EMC3: variants seen among roughly 807,000 people sequenced by gnomAD.
EMC3 encodes 30 kDa protein.
A neutral mutation model predicts 36.6 loss-of-function variants in EMC3; 13 were observed. The ratio of observed to expected loss-of-function variants is 0.35; its 90% CI spans 0.23 to 0.56. The LOEUF (loss-of-function observed/expected upper bound fraction) is 0.56. Among genes scored for constraint, EMC3 ranks in the 20% least tolerant of loss-of-function variants. EMC3 has a pLI of 0.84. For synonymous variants in EMC3, 120 were observed against 111.9 expected (o/e 1.07, Z -0.46); for missense variants, 220 against 324.5 (o/e 0.68, Z 2.47).
intron 1 of EMC3, among the ~76,000 whole-genome samples, chr3:9,995,665 C>A (rs769626036): frequency 1.3e-5 from 2 of 151,866 alleles, no homozygotes; most frequent in African/African-American, 4.8e-5. Context: ...GAGACGGAGT[C>A]TAGCTCTGTC....
upstream of EMC3, among the ~76,000 whole-genome samples, chr3:9,987,473 C>G (rs981368878): frequency 3.9e-5 from 6 of 152,128 alleles, no homozygotes; most frequent in African/African-American, 7.2e-5. Context: ...ACCCTCACCC[C>G]CTTCCCGATG....
At chr3:9,991,551 C>G (rs534539208), upstream of EMC3, among the ~76,000 whole-genome samples, 438 of 152,192 alleles carry the variant, frequency 2.9e-3, 2 homozygotes, top group South Asian at 0.024. Flanking sequence ...GGGTCTCACT[C>G]TGTCGCCAGG....
chr3:9,980,345 G>T (rs947638822), intron 1 of EMC3, among the ~76,000 whole-genome samples: 2 of 150,288 alleles, frequency 1.3e-5, no homozygotes, highest in Non-Finnish European at 3.0e-5. Flanking sequence ...ACTGTCTTAA[G>T]AGCAAAAGGA....
intron 1 of EMC3, among the ~76,000 whole-genome samples, chr3:9,984,084 T>G (rs1388348601): frequency 2.0e-5 from 3 of 152,062 alleles, no homozygotes; most frequent in African/African-American, 7.2e-5. Context: ...AATACACTTT[T>G]TTTTTTTTTT....
rs1289743433 is a variant in EMC3, at chr3:9,986,802, G to C, written c.-141C>G. 6.9e-7 allele frequency: 1 copy of C among 1,450,558 alleles called. No individual in the cohort carries two copies. Among genetic ancestry groups the C allele is most frequent in the Non-Finnish European group, 9.1e-7 (1 of 1,100,320 alleles). The allele number at this position is 1,450,558 out of a possible 1,614,324, so 89.9% of individuals were successfully genotyped here. ...CAGAACTCTCCTGCGACTGTGAGCC[G>C]AGCTTACTGCCTTCAGCTGGGCTGC... On this transcript the variant is annotated 5_prime_UTR_variant, in exon 1 of 8. Transcript: ENST00000245046.
At chr3:10,007,682 C>T in intron 1 of EMC3, 3 of 1,325,342 alleles carry the variant, frequency 2.3e-6, no homozygotes, top group Non-Finnish European at 3.0e-6. Flanking sequence ...TCCAGCTTCC[C>T]AGGAACCCGG....
intron 1 of EMC3, chr3:10,008,393 C>G (rs1023789809): frequency 7.3e-7 from 1 of 1,367,276 alleles, no homozygotes; most frequent in African/African-American, 1.5e-5. Context: ...AAGGTCCTTT[C>G]AAGTGTCTAC....
chr3:10,008,347 G>A, intron 1 of EMC3: 2 of 1,305,656 alleles, frequency 1.5e-6, no homozygotes, highest in African/African-American at 1.5e-5. Flanking sequence ...ATAGGGAAGG[G>A]GCTCCAGGCA....
upstream of EMC3, chr3:9,987,434 G>T: frequency 8.5e-6 from 3 of 352,708 alleles, no homozygotes; most frequent in Non-Finnish European, 1.2e-5. Flanking sequence ...TTTCTGCGTC[G>T]TTAAAATGAG....
chr3:9,974,414 T>C lies in EMC3; in HGVS notation c.382A>G (p.Ile128Val). 6.2e-7 allele frequency: 1 copy of C among 1,613,844 alleles called. No homozygotes were observed. The highest frequency in any genetic ancestry group is 8.5e-7 in the Non-Finnish European group (1 of 1,179,690). The change falls in exon 4 of 8, where the codon ATC becomes GTC. Residue 128 changes from isoleucine to valine, a missense_variant. Physicochemically the swap from Ile to Val is conservative, Grantham distance 29. Coordinates refer to ENST00000245046, the MANE Select transcript of EMC3 (RefSeq NM_001394674.1). ...VLPMILIGGW[I>V]NMTFSGFVTT... ...ACAAAGCCTGAGAATGTCATGTTGA[T>C]CCATCCACCAATAAGAATCATAGGG... is the stretch of plus-strand genomic sequence containing the variant.
At chr3:9,977,558 G>T in intron 1 of EMC3, 112 bp from the exon 2 acceptor site, 1 of 853,574 alleles carries the variant, frequency 1.2e-6, no homozygotes, top group Non-Finnish European at 1.8e-6. Context: ...TTTGGCAACA[G>T]CTCTGTGTGG....
intron 1 of EMC3, among the ~76,000 whole-genome samples, chr3:9,995,274 A>G: frequency 6.6e-6 from 1 of 151,632 alleles, no homozygotes; most frequent in African/African-American, 2.4e-5. Flanking sequence ...TAGCTCCTTG[A>G]GTGGCATCTT....
At chr3:9,993,990 G>A (rs1454567010) in intron 1 of EMC3, among the ~76,000 whole-genome samples, 1 of 152,296 alleles carries the variant, frequency 6.6e-6, no homozygotes, top group Non-Finnish European at 1.5e-5. Context: ...ATATCCAAAT[G>A]TGGACTCCCA....
chr3:10,000,597 C>T, intron 1 of EMC3: 1 of 417,338 alleles, frequency 2.4e-6, no homozygotes, highest in South Asian at 1.8e-5. Context: ...ATAAAACAGT[C>T]ATGAGACATT....
chr3:9,975,236 T>G (rs931646246), intron 3 of EMC3, among the ~76,000 whole-genome samples: 1 of 152,184 alleles, frequency 6.6e-6, no homozygotes, highest in African/African-American at 2.4e-5. Context: ...GACCTATCGA[T>G]TGTTTCCATT....
rs897140427 is a variant in EMC3 at position 9,994,147 on chromosome 3, T to TC, written c.-241-7246dup. 8.8e-6 allele frequency: 14 copies of TC among 1,582,538 alleles called. No homozygotes were observed. The African/African-American group carries it at 1.9e-4, about 21-fold the overall frequency. On this transcript the variant is annotated intron_variant, in intron 1 of 8. Transcript: ENST00000470827. ...AGCAACTCTTAGGTTGTGTACTGTT[T>TC]CCTACAGCTTCTTTTCTCTCTCTAC...
At chr3:10,003,219 A>AT (rs1342554374) in intron 1 of EMC3, 1 of 456,652 alleles carries the variant, frequency 2.2e-6, no homozygotes, top group Non-Finnish European at 4.4e-6. Context: ...AGCAACAACC[A>AT]TCCCAGGAAG....
chr3:9,970,671 CA>C lies in EMC3; in HGVS notation c.495-11del. 6.2e-7 allele frequency: 1 copy of C among 1,613,948 alleles called. No homozygotes were observed. Among genetic ancestry groups the C allele is most frequent in the Non-Finnish European group, 8.5e-7 (1 of 1,179,890 alleles). On this transcript the variant is annotated splice_polypyrimidine_tract_variant and intron_variant, in intron 5 of 7. Transcript: ENST00000245046. ...GGATGCAGAACTCACCCTGGCAAAG[CA>C]AAATGAAAATGGTGTGGTTAGTTAT...
At chr3:9,993,444 T>C (rs2086080368) in intron 1 of EMC3, among the ~76,000 whole-genome samples, 1 of 152,188 alleles carries the variant, frequency 6.6e-6, no homozygotes, top group African/African-American at 2.4e-5. Flanking sequence ...GCCAGTAGTT[T>C]GGGGTTTGGG....
Sources: gnomAD v4.1 joint callset for allele counts (sites outside exome capture counted in the v4.1 genomes callset) on GRCh38, gnomAD v4.1.1 for gene constraint, MANE v1.5 for transcripts, NCBI Gene and HGNC (gene_info 2026-07-23, HGNC 2026-07-21) for gene names.